The following MYO10 variants were observed in gnomAD, a reference collection of about 807,000 sequenced individuals.
The protein encoded by MYO10 is myosin X, also known as unconventional myosin-X.
In MYO10, 133 loss-of-function variants were observed where a neutral mutation model predicts 257.3. The ratio of observed to expected loss-of-function variants is 0.52; its 90% confidence interval spans 0.45 to 0.60. The LOEUF is 0.60. Among genes scored for constraint, MYO10 ranks in the 20% least tolerant of loss-of-function variants. The probability of loss-of-function intolerance (pLI) is 0.00; values close to 1 mark genes in which losing one functional copy is unlikely to be tolerated. For missense variants in MYO10, 2,399 were observed against 2,635.7 expected, an observed-to-expected ratio of 0.91 and a Z score of 1.97; for synonymous variants, 1,104 against 1,028.6, an observed-to-expected ratio of 1.07 and a Z score of -1.40.
intron 1 of MYO10, among the ~76,000 whole-genome samples, chr5:16,914,830 C>G (rs77044269): frequency 0.062 from 9,375 of 152,292 alleles, 292 homozygotes; most frequent in Non-Finnish European, 0.079. Context: ...AATGAACACA[C>G]AAGCTCTGGG....
intron 1 of MYO10, among the ~76,000 whole-genome samples, chr5:16,930,018 G>A: frequency 6.6e-6 from 1 of 152,148 alleles, no homozygotes; most frequent in Admixed American, 6.5e-5. Context: ...TCAACCATGA[G>A]GACATTTCAA....
At chr5:16,743,721 G>A (rs74339101) in intron 19 of MYO10, among the ~76,000 whole-genome samples, 3,064 of 151,996 alleles carry the variant, frequency 0.02, 40 homozygotes, top group Non-Finnish European at 0.031. Context: ...TATAGAAAAT[G>A]ACTTGGAAAA....
rs76519733 is a variant in MYO10, at chr5:16,844,628, C to G, written c.121-26461G>C. Among the ~76,000 whole-genome samples the G allele has an allele frequency of 8.2e-3, 1,254 of 152,180 alleles. 19 individuals are homozygous for G. Among genetic ancestry groups the G allele is most frequent in the African/African-American group, 0.029 (1,188 of 41,522 alleles). On this transcript the variant is annotated intron_variant, in intron 2 of 40. Coordinates refer to ENST00000513610, the MANE Select transcript of MYO10 (RefSeq NM_012334.3). ...ATTGGCATAAACAGGATTCTAGTGC[C>G]TAATCTATACTCAACTACTAATTCT...
intron 1 of MYO10, among the ~76,000 whole-genome samples, chr5:16,920,036 A>G (rs71609341): frequency 0.069 from 10,437 of 152,006 alleles, 377 homozygotes; most frequent in African/African-American, 0.11. Context: ...ACTTGAACCC[A>G]GGAGGCGGAG....
chr5:16,724,755 G>A (rs533454204), intron 19 of MYO10, among the ~76,000 whole-genome samples: 7 of 152,078 alleles, frequency 4.6e-5, no homozygotes, highest in Middle Eastern at 3.4e-3. Context: ...AATAATACAC[G>A]CAAAGGATCT....
chr5:16,676,865 A>C (rs1429614921), intron 33 of MYO10, among the ~76,000 whole-genome samples: 1 of 152,214 alleles, frequency 6.6e-6, no homozygotes, highest in Non-Finnish European at 1.5e-5. Context: ...CAAAATAAAA[A>C]AAATTAATCT....
chr5:16,719,305 C>T (rs1342852574), intron 19 of MYO10, among the ~76,000 whole-genome samples: 1 of 152,172 alleles, frequency 6.6e-6, no homozygotes, highest in African/African-American at 2.4e-5. Flanking sequence ...GTCAGTGACA[C>T]CAAGAACCCA....
intron 1 of MYO10, among the ~76,000 whole-genome samples, chr5:16,899,980 A>C (rs1019478452): frequency 4.3e-5 from 6 of 140,830 alleles, no homozygotes; most frequent in Non-Finnish European, 7.5e-5. Flanking sequence ...CCTGGGCAAC[A>C]CAGCAAGATG....
chr5:16,912,801 TGCACACACACAC>T (rs1561055621), intron 1 of MYO10, among the ~76,000 whole-genome samples: 2 of 50,996 alleles, frequency 3.9e-5, no homozygotes, highest in African/African-American at 1.7e-4. Flanking sequence ...CCTACCACCC[TGCACACACACAC>T]ACACACACAC....
At chr5:16,770,175 T>G (rs1227132734) in intron 9 of MYO10, among the ~76,000 whole-genome samples, 1 of 152,116 alleles carries the variant, frequency 6.6e-6, no homozygotes, top group Non-Finnish European at 1.5e-5. Flanking sequence ...AAGGTTACGG[T>G]GAGCTATGAT....
Position 16,790,122 on chromosome 5 carries a change from T to C in MYO10, c.467+4524A>G, listed in dbSNP as rs73756260. Reference sequence around the variant, plus strand: ...CCAACACTATCACCTCTAAATGTATTTCTAGAAATAGAAAAAGACCAAACA... The same window carrying C: ...CCAACACTATCACCTCTAAATGTATCTCTAGAAATAGAAAAAGACCAAACA... On this transcript the variant is annotated intron_variant, in intron 4 of 40. Transcript: ENST00000513610. Among the ~76,000 whole-genome samples, 1,098 of 152,018 alleles carry C rather than the reference T, an allele frequency of 7.2e-3. 10 individuals carry two copies. Among genetic ancestry groups the C allele is most frequent in the African/African-American group, 0.025 (1,049 of 41,466 alleles).
In MYO10 at chr5:16,769,262, G is replaced by C. The variant is rs180841599; in HGVS notation, c.931-59C>G. 2,286 of 1,477,650 alleles carry C rather than the reference G, an allele frequency of 1.5e-3. 5 individuals carry two copies. Among genetic ancestry groups the C allele is most frequent in the Middle Eastern group, 0.012 (64 of 5,432 alleles). The allele number at this position is 1,477,650 out of a possible 1,614,324, so 91.5% of individuals were successfully genotyped here. A position where few individuals can be genotyped will look rare whatever the true frequency, so the allele number is the denominator to read the frequency against. On this transcript the variant is annotated intron_variant, in intron 9 of 40. Transcript: ENST00000513610. Reference sequence around the variant, plus strand: ...GTTTTTTCACACTGAAGAAAATGTAGAATATCCCTGATAATATAAAATTAC... The same window carrying C: ...GTTTTTTCACACTGAAGAAAATGTACAATATCCCTGATAATATAAAATTAC...
intron 9 of MYO10, among the ~76,000 whole-genome samples, chr5:16,775,686 T>C (rs1203552335): frequency 6.6e-6 from 1 of 151,926 alleles, no homozygotes; most frequent in Non-Finnish European, 1.5e-5. Flanking sequence ...CACTGCAACC[T>C]CCACCTCCCA....
intron 2 of MYO10, among the ~76,000 whole-genome samples, chr5:16,827,191 C>T (rs1285493265): frequency 2.6e-5 from 4 of 152,174 alleles, no homozygotes; most frequent in Non-Finnish European, 5.9e-5. Flanking sequence ...ACTCTGCTAG[C>T]GTGCGGAGGA....
At chr5:16,893,153 C>T (rs565476320) in intron 1 of MYO10, among the ~76,000 whole-genome samples, 228 of 139,264 alleles carry the variant, frequency 1.6e-3, no homozygotes, top group Non-Finnish European at 2.4e-3. Flanking sequence ...GCCGAGATTG[C>T]GCCACTGCAC....
intron 1 of MYO10, among the ~76,000 whole-genome samples, chr5:16,908,325 C>T (rs897195203): frequency 1.3e-5 from 2 of 151,654 alleles, no homozygotes; most frequent in Admixed American, 6.6e-5. Context: ...GTCAGGAGTT[C>T]GAGAGCAGCC....
At chr5:16,801,906 C>T (rs1742131730) in intron 3 of MYO10, among the ~76,000 whole-genome samples, 2 of 152,186 alleles carry the variant, frequency 1.3e-5, no homozygotes, top group East Asian at 1.9e-4. Context: ...TGAACAGATA[C>T]AAAAAATGTG....
In MYO10 at chr5:16,740,965, T is replaced by C. The variant is rs140786376; in HGVS notation, c.1929+13863A>G. On this transcript the variant is annotated intron_variant, in intron 19 of 40. Transcript: ENST00000513610. ...CTTATCTACGCGACGAAAGCAGATT[T>C]AGCCTAGTAGCAGTCAGCCAAGTGC... Among the ~76,000 whole-genome samples the C allele has an allele frequency of 3.6e-3, 554 of 152,284 alleles. 4 individuals carry two copies. The highest frequency in any genetic ancestry group is 0.013 in the African/African-American group (541 of 41,566).
chr5:16,718,356 G>A (rs1464603118), intron 19 of MYO10, among the ~76,000 whole-genome samples: 1 of 152,250 alleles, frequency 6.6e-6, no homozygotes, highest in Non-Finnish European at 1.5e-5. Context: ...CGCAGGACTG[G>A]CAGGCAGCTC....
Sources: allele counts gnomAD v4.1 joint callset (sites outside exome capture counted in the v4.1 genomes callset), GRCh38; gene constraint gnomAD v4.1.1; transcripts MANE v1.5; gene names NCBI Gene and HGNC (gene_info 2026-07-23, HGNC 2026-07-21).